OGDH: variants seen among roughly 807,000 people sequenced by gnomAD.
OGDH encodes oxoglutarate dehydrogenase, also known as 2-oxoglutarate dehydrogenase complex component E1.
A neutral mutation model predicts 116.6 loss-of-function variants in OGDH; 38 were observed. That is an observed-to-expected ratio of 0.33 (90% CI 0.25 to 0.43). The LOEUF (loss-of-function observed/expected upper bound fraction) is 0.43. Ranked by LOEUF, OGDH falls within the 20% of genes least tolerant of loss-of-function variation. The pLI is 1.00. For missense variants in OGDH, 825 were observed against 1,357.2 expected, an observed-to-expected ratio of 0.61 and a Z score of 6.16; for synonymous variants, 488 against 533.3, an observed-to-expected ratio of 0.92 and a Z score of 1.17.
intron 2 of OGDH, among the ~76,000 whole-genome samples, chr7:44,637,210 C>G (rs1785709563): frequency 6.6e-6 from 1 of 152,184 alleles, no homozygotes; most frequent in Non-Finnish European, 1.5e-5. Context: ...GTTGTCTATT[C>G]TCTTTGGCCA....
rs915693515 is a variant in OGDH, at chr7:44,707,713, C to T, written c.2928C>T (p.Thr976=). The change falls in exon 22 of 23, where the codon ACC becomes ACT. Residue 976 remains threonine, a synonymous_variant. Coordinates refer to ENST00000222673, the MANE Select transcript of OGDH (RefSeq NM_002541.4). This position sits in a 1 kb window ranked among gnomAD's most constrained non-coding sequence, Gnocchi z 5.2. ...YDYVKPRLRT[T]ISRAKPVWYA... ...ACGTGAAGCCAAGACTTCGGACCAC[C>T]ATCAGCCGCGCCAAGCCCGTCTGGT... The T allele has an allele frequency of 6.2e-6, 10 of 1,614,068 alleles. No homozygotes were observed. Among genetic ancestry groups the T allele is most frequent in the Non-Finnish European group, 8.5e-6 (10 of 1,180,058 alleles).
At chr7:44,700,057 A>G (rs1166137181) in intron 18 of OGDH, 84 bp from the exon 19 acceptor site, 1 of 1,448,636 alleles carries the variant, frequency 6.9e-7, no homozygotes, top group African/African-American at 1.4e-5. Flanking sequence ...CAAATATCCA[A>G]ACTAGATCAC....
intron 10 of OGDH, among the ~76,000 whole-genome samples, chr7:44,693,188 T>A (rs1788436087): frequency 6.6e-6 from 1 of 151,918 alleles, no homozygotes; most frequent in African/African-American, 2.4e-5. Context: ...CGTGCCTGTA[T>A]TCCCAGCTAC....
chr7:44,639,212 A>C (rs1156827582), intron 2 of OGDH, among the ~76,000 whole-genome samples: 1 of 152,158 alleles, frequency 6.6e-6, no homozygotes, highest in Non-Finnish European at 1.5e-5. Flanking sequence ...AGGATGAGGC[A>C]GGGGTGGGTA....
intron 4 of OGDH, among the ~76,000 whole-genome samples, chr7:44,649,245 G>GT (rs373846462): frequency 0.18 from 17,527 of 97,714 alleles, 2,180 homozygotes; most frequent in East Asian, 0.36. Flanking sequence ...ATTTTCTGTT[G>GT]TTTTTTTTTT....
At chr7:44,660,637 T>C (rs1189474740) in intron 4 of OGDH, among the ~76,000 whole-genome samples, 1 of 152,160 alleles carries the variant, frequency 6.6e-6, no homozygotes, top group Non-Finnish European at 1.5e-5. Flanking sequence ...ATTCTCTAAA[T>C]GTCTGCTAGA....
chr7:44,699,103 G>T (rs1010588903), intron 18 of OGDH, among the ~76,000 whole-genome samples: 2 of 149,696 alleles, frequency 1.3e-5, no homozygotes, highest in Non-Finnish European at 3.0e-5. Flanking sequence ...AGATTGTGCC[G>T]CTGCACTCCA....
chr7:44,628,893 C>A (rs1333377176), intron 2 of OGDH, among the ~76,000 whole-genome samples: 1 of 152,168 alleles, frequency 6.6e-6, no homozygotes. Flanking sequence ...ACTAGCTGAC[C>A]TGGGTCTGTC....
intron 1 of OGDH, among the ~76,000 whole-genome samples, chr7:44,616,856 T>C (rs1408553658): frequency 5.2e-4 from 59 of 112,532 alleles, no homozygotes; most frequent in African/African-American, 1.8e-3. Context: ...TGTATATATA[T>C]ACACATATAT....
intron 2 of OGDH, among the ~76,000 whole-genome samples, chr7:44,642,661 C>T (rs912737221): frequency 6.6e-6 from 1 of 152,120 alleles, no homozygotes; most frequent in Non-Finnish European, 1.5e-5. Context: ...CAGTGGCTTA[C>T]GCATGTAATC....
intron 2 of OGDH, among the ~76,000 whole-genome samples, chr7:44,644,923 T>TC (rs1468375666): frequency 6.6e-6 from 1 of 152,178 alleles, no homozygotes; most frequent in Non-Finnish European, 1.5e-5. Flanking sequence ...AGAGATCACC[T>TC]CCCAGGTGCT....
intron 1 of OGDH, among the ~76,000 whole-genome samples, chr7:44,617,918 G>C (rs996598794): frequency 2.6e-5 from 4 of 152,118 alleles, no homozygotes; most frequent in African/African-American, 9.7e-5. Context: ...GGCGTCAGTA[G>C]TTGGTTTATT....
At chr7:44,626,339 A>G (rs1179704734) in intron 2 of OGDH, among the ~76,000 whole-genome samples, 2 of 35,700 alleles carry the variant, frequency 5.6e-5, no homozygotes, top group African/African-American at 9.0e-5. Context: ...ACACCCCTAC[A>G]CACACACACA....
In OGDH at chr7:44,666,730, C is replaced by T. The variant is rs1205313489; in HGVS notation, c.518-6C>T. ...TCTGGCTTGTCCTGCCCACATCGCC[C>T]TGCAGGGTTCTATGGCCTGGATGAG... On this transcript the variant is annotated splice_polypyrimidine_tract_variant and splice_region_variant and intron_variant, in intron 4 of 22. Coordinates refer to ENST00000222673, the MANE Select transcript of OGDH (RefSeq NM_002541.4). 2 of 1,593,532 alleles carry T rather than the reference C, an allele frequency of 1.3e-6. No homozygotes were observed. The highest frequency in any genetic ancestry group is 2.2e-5 in the South Asian group (2 of 89,410).
chr7:44,634,907 C>G (rs1785597070), intron 2 of OGDH, among the ~76,000 whole-genome samples: 1 of 152,362 alleles, frequency 6.6e-6, no homozygotes, highest in Admixed American at 6.5e-5. Flanking sequence ...GGTGGGCATT[C>G]CATCCACAAG....
chr7:44,616,934 G>C (rs1297558409), intron 1 of OGDH, among the ~76,000 whole-genome samples: 2 of 127,288 alleles, frequency 1.6e-5, no homozygotes, highest in African/African-American at 6.1e-5. Flanking sequence ...CTGGACGACA[G>C]AGCGAGACTC....
intron 4 of OGDH, among the ~76,000 whole-genome samples, chr7:44,654,043 CG>C (rs1168369305): frequency 6.6e-6 from 1 of 151,928 alleles, no homozygotes; most frequent in African/African-American, 2.4e-5. Context: ...TTAGTAGAGA[CG>C]GTGTTTCACC....
chr7:44,683,516 C>T (rs1788015227), intron 10 of OGDH, among the ~76,000 whole-genome samples: 1 of 152,144 alleles, frequency 6.6e-6, no homozygotes, highest in Admixed American at 6.6e-5. Flanking sequence ...TAGGTGTGAT[C>T]CACCATGCCC....
chr7:44,611,325 G>A (rs1366600144), intron 1 of OGDH, among the ~76,000 whole-genome samples: 2 of 152,110 alleles, frequency 1.3e-5, no homozygotes, highest in East Asian at 1.9e-4. Flanking sequence ...CTGGAGTGCA[G>A]TGGCACGATC....
Sources: allele counts gnomAD v4.1 joint callset (sites outside exome capture counted in the v4.1 genomes callset), GRCh38; gene constraint gnomAD v4.1.1; non-coding constraint Gnocchi (gnomAD v3.1); transcripts MANE v1.5; gene names NCBI Gene and HGNC (gene_info 2026-07-23, HGNC 2026-07-21).